The following XXYLT1 variants were observed in gnomAD, a reference collection of about 807,000 sequenced individuals.
XXYLT1 encodes xyloside xylosyltransferase 1, also known as UDP-xylose:alpha-xyloside alpha-1,3-xylosyltransferase.
XXYLT1 carries 20 observed loss-of-function variants against 28.9 expected under a neutral mutation model. That is an observed-to-expected ratio of 0.69 (90% CI 0.49 to 1.00). The LOEUF is 1.00. XXYLT1 is among the 50% of genes least tolerant of loss of function. The pLI is 0.00. For missense variants in XXYLT1, 542 were observed against 560.1 expected (o/e 0.97, Z 0.33); for synonymous variants, 257 against 253.8 (o/e 1.01, Z -0.12).
At chr3:195,250,244 G>A (rs1725197013) in intron 1 of XXYLT1, among the ~76,000 whole-genome samples, 1 of 152,126 alleles carries the variant, frequency 6.6e-6, no homozygotes, top group Admixed American at 6.5e-5. Flanking sequence ...ACCTTTTAGT[G>A]ACAGCTTCCC....
At chr3:195,167,247 G>A (rs746286888) in intron 2 of XXYLT1, among the ~76,000 whole-genome samples, 12 of 152,196 alleles carry the variant, frequency 7.9e-5, no homozygotes, top group Non-Finnish European at 1.0e-4. Flanking sequence ...CCTAACAAAT[G>A]TTTACCTGTT....
chr3:195,264,949 G>C (rs6781643), intron 1 of XXYLT1, among the ~76,000 whole-genome samples: 119,856 of 151,964 alleles, frequency 0.79, 47,737 homozygotes, highest in East Asian at 0.93. Flanking sequence ...TCTAGCTACT[G>C]AGGAGGCTAA....
At chr3:195,082,882 C>T (rs1185142053) in intron 3 of XXYLT1, among the ~76,000 whole-genome samples, 1 of 151,970 alleles carries the variant, frequency 6.6e-6, no homozygotes, top group Admixed American at 6.5e-5. Context: ...CCATAAGGCA[C>T]CCCCCCTGCC....
intron 1 of XXYLT1, among the ~76,000 whole-genome samples, chr3:195,250,654 T>C (rs1009873209): frequency 2.6e-5 from 4 of 151,904 alleles, no homozygotes; most frequent in Non-Finnish European, 5.9e-5. Flanking sequence ...CCTGCTAACA[T>C]ACTATATGAT....
In XXYLT1 at chr3:195,069,627, C is replaced by A; in HGVS notation, c.*88G>T. On this transcript the variant is annotated 3_prime_UTR_variant, in exon 4 of 4. Coordinates refer to ENST00000310380, the MANE Select transcript of XXYLT1 (RefSeq NM_152531.5). ...GGACTTCCCTGCGGTGTCTCTCTAG[C>A]GGGTCAGACACTGCCCTTGGGTCTG... The A allele has an allele frequency of 6.7e-7, 1 of 1,493,812 alleles. No individual in the cohort carries two copies. Among genetic ancestry groups the A allele is most frequent in the Non-Finnish European group, 8.9e-7 (1 of 1,120,610 alleles). The allele number at this position is 1,493,812 out of a possible 1,614,324, so 92.5% of individuals were successfully genotyped here.
At chr3:195,259,617 G>A in intron 1 of XXYLT1, 2 of 985,482 alleles carry the variant, frequency 2.0e-6, no homozygotes, top group Non-Finnish European at 2.4e-6. Context: ...GAGGACAGTC[G>A]CGTGCGACAG....
intron 1 of XXYLT1, among the ~76,000 whole-genome samples, chr3:195,261,813 G>A (rs1725708191): frequency 1.3e-5 from 2 of 152,208 alleles, no homozygotes; most frequent in South Asian, 4.1e-4. Flanking sequence ...AAACTAAAAT[G>A]AGATATCACT....
At chr3:195,142,838 G>A (rs566752147) in intron 3 of XXYLT1, among the ~76,000 whole-genome samples, 47 of 152,258 alleles carry the variant, frequency 3.1e-4, no homozygotes, top group African/African-American at 1.1e-3. Flanking sequence ...GCCACATCAC[G>A]CCCAGGCTGC....
intron 3 of XXYLT1, among the ~76,000 whole-genome samples, chr3:195,153,076 C>T (rs1209332206): frequency 1.3e-5 from 2 of 152,210 alleles, no homozygotes; most frequent in African/African-American, 2.4e-5. Flanking sequence ...GCCCAAGGGC[C>T]GAGACCGCCT....
rs564824074 is a variant in XXYLT1, at chr3:195,104,611, G to A, written c.786-34500C>T. ...CGGGGACCCGGGAGATCCAGACAGC[G>A]TGGCACGACCACCTGAGAGAGGCTG... is the stretch of plus-strand genomic sequence containing the variant. On this transcript the variant is annotated intron_variant, in intron 3 of 3. Transcript: ENST00000310380. 1.5e-4 allele frequency among the ~76,000 whole-genome samples: 23 copies of A among 152,310 alleles called. No homozygotes were observed. The South Asian group carries it at 1.7e-3, about 11-fold the overall frequency.
At chr3:195,096,897 C>T (rs1046752477) in intron 3 of XXYLT1, among the ~76,000 whole-genome samples, 2 of 152,162 alleles carry the variant, frequency 1.3e-5, no homozygotes, top group Non-Finnish European at 2.9e-5. Flanking sequence ...ATGTGACTAC[C>T]TTTTGCTGGA....
chr3:195,194,725 T>C (rs375060261), intron 2 of XXYLT1, among the ~76,000 whole-genome samples: 20 of 151,810 alleles, frequency 1.3e-4, no homozygotes, highest in African/African-American at 3.9e-4. Context: ...GTGTAACAAA[T>C]TGAAAGGAAT....
rs10575198 is a variant in XXYLT1, at chr3:195,185,085, AGAAGGAAGGAAGGAAGGAAGGAAG to A, written c.653-28528_653-28505del. ...AAAGAAAAAAGGAAGGAAAGAAGGA[AGAAGGAAGGAAGGAAGGAAGGAAG>A]GAAGGAAGGAAGGAAGGAAGGAAGG... On this transcript the variant is annotated intron_variant, in intron 2 of 3. Coordinates refer to ENST00000310380, the MANE Select transcript of XXYLT1 (RefSeq NM_152531.5). Among the ~76,000 whole-genome samples the A allele has an allele frequency of 9.8e-3, 986 of 100,980 alleles. 11 individuals are homozygous for A. The highest frequency in any genetic ancestry group is 0.026 in the East Asian group (94 of 3,614). 66.2% of individuals were successfully genotyped at this position (100,980 alleles called of 152,430 possible).
At chr3:195,104,759 TAAC>T (rs1199867193) in intron 3 of XXYLT1, among the ~76,000 whole-genome samples, 3 of 151,936 alleles carry the variant, frequency 2.0e-5, no homozygotes, top group Non-Finnish European at 4.4e-5. Flanking sequence ...TAATACAAAG[TAAC>T]AACAACAACA....
Position 195,077,643 on chromosome 3 carries a change from G to A in XXYLT1, c.786-7532C>T, listed in dbSNP as rs1286118697. Among the ~76,000 whole-genome samples the A allele has an allele frequency of 6.6e-6, 1 of 152,182 alleles. No homozygotes were observed. Among genetic ancestry groups the A allele is most frequent in the Non-Finnish European group, 1.5e-5 (1 of 68,004 alleles). On this transcript the variant is annotated intron_variant, in intron 3 of 3. Transcript: ENST00000310380. The surrounding 1 kb of genome is among the most constrained non-coding windows in gnomAD (Gnocchi z 4.8). ...TGGGGCCCTGTAAAGCGCGGCCTGG[G>A]GCTGGACGTCGTAGGGGGTGAATGG... is the stretch of plus-strand genomic sequence containing the variant.
At chr3:195,238,949 A>G (rs1430745437) in intron 1 of XXYLT1, among the ~76,000 whole-genome samples, 3 of 152,154 alleles carry the variant, frequency 2.0e-5, no homozygotes, top group African/African-American at 7.2e-5. Flanking sequence ...AAACTAAGGG[A>G]GATGAAGAGC....
At chr3:195,118,030 G>A (rs1026725869) in intron 3 of XXYLT1, among the ~76,000 whole-genome samples, 4 of 152,158 alleles carry the variant, frequency 2.6e-5, no homozygotes, top group Admixed American at 1.3e-4. Flanking sequence ...TCTGCTCCAC[G>A]TCCTGCCCCC....
At chr3:195,254,685 C>CT (rs770885053) in intron 1 of XXYLT1, among the ~76,000 whole-genome samples, 22 of 152,342 alleles carry the variant, frequency 1.4e-4, no homozygotes, top group Non-Finnish European at 2.9e-4. Context: ...AGGTGGCATG[C>CT]TAAAGCTGGG....
Position 195,069,373 on chromosome 3 carries a change from C to A in XXYLT1, c.*342G>T. ...AAATTTATATTGGTCCAAAAAAGGC[C>A]GGGTCTAAAGGATTTCCATTCCTCA... On this transcript the variant is annotated 3_prime_UTR_variant, in exon 4 of 4. Transcript: ENST00000310380. 1 of 269,002 alleles carries A rather than the reference C, an allele frequency of 3.7e-6. No homozygotes were observed. The highest frequency in any genetic ancestry group is 1.1e-4 in the South Asian group (1 of 8,900). The allele number at this position is 269,002 out of a possible 1,614,324, so 16.7% of individuals were successfully genotyped here.
Sources: gnomAD v4.1 joint callset for allele counts (sites outside exome capture counted in the v4.1 genomes callset) on GRCh38, gnomAD v4.1.1 for gene constraint, Gnocchi (gnomAD v3.1) non-coding constraint, MANE v1.5 for transcripts, NCBI Gene and HGNC (gene_info 2026-07-23, HGNC 2026-07-21) for gene names.